The following C9orf153 variants were observed in gnomAD, a reference collection of about 807,000 sequenced individuals.
C9orf153 encodes uncharacterized protein C9orf153.
Under a neutral mutation model 9.0 loss-of-function variants are expected in C9orf153, and 10 were observed. The observed-to-expected ratio is 1.11, with a 90% confidence interval of 0.69 to 1.89. C9orf153 has a LOEUF of 1.89. Among genes scored for constraint, C9orf153 ranks in the 40% most tolerant of loss-of-function variants. The pLI is 0.00. For missense variants in C9orf153, 108 were observed against 111.0 expected (o/e 0.97, Z 0.12); for synonymous variants, 35 against 37.3 (o/e 0.94, Z 0.23).
chr9:86,234,923 G>A (rs757550338), intron 1 of C9orf153, among the ~76,000 whole-genome samples: 4 of 152,188 alleles, frequency 2.6e-5, no homozygotes, highest in African/African-American at 9.7e-5. Context: ...TGGCATGCAA[G>A]GAGCTTGGAA....
chr9:86,245,947 G>C (rs1225844464), intron 1 of C9orf153, among the ~76,000 whole-genome samples: 1 of 152,178 alleles, frequency 6.6e-6, no homozygotes, highest in Non-Finnish European at 1.5e-5. Flanking sequence ...CACTGGGTCA[G>C]TTTGTCAGTT....
At chr9:86,236,169 G>C (rs1563999889) in intron 1 of C9orf153, among the ~76,000 whole-genome samples, 1 of 152,078 alleles carries the variant, frequency 6.6e-6, no homozygotes, top group Non-Finnish European at 1.5e-5. Context: ...CAAAGAAGCA[G>C]AGAATGGAAT....
At chr9:86,252,499 T>C (rs1214538089) in intron 1 of C9orf153, among the ~76,000 whole-genome samples, 1 of 152,252 alleles carries the variant, frequency 6.6e-6, no homozygotes, top group Non-Finnish European at 1.5e-5. Flanking sequence ...CTTTGATATT[T>C]GATAAACTTC....
chr9:86,251,287 T>C (rs1824988071), intron 1 of C9orf153, among the ~76,000 whole-genome samples: 1 of 152,216 alleles, frequency 6.6e-6, no homozygotes, highest in Non-Finnish European at 1.5e-5. Flanking sequence ...TAAAACTTAT[T>C]TAGATCTGTT....
chr9:86,227,500 T>C, intron 3 of C9orf153: 5 of 1,369,330 alleles, frequency 3.7e-6, no homozygotes, highest in Non-Finnish European at 4.7e-6. Context: ...TGCAATGAGA[T>C]TTCCATTCCT....
Position 86,228,006 on chromosome 9 carries a change from C to T in C9orf153, c.91G>A (p.Glu31Lys). The T allele has an allele frequency of 6.2e-7, 1 of 1,605,948 alleles. No individual in the cohort carries two copies. The highest frequency in any genetic ancestry group is 8.5e-7 in the Non-Finnish European group (1 of 1,176,202). Residue 31 changes from glutamate (E) to lysine (K), a missense_variant, in exon 3 of 4, where the codon GAG becomes AAG. Coordinates refer to ENST00000339137, the MANE Select transcript of C9orf153 (RefSeq NM_001276366.4). ...TTCTTGCTCTCCTTATTAAAATTCT[C>T]AATACATGCATATAATTCTGGAAGC... ...CSLPELYACI[E>K]NFNKESKKSN...
intron 1 of C9orf153, among the ~76,000 whole-genome samples, chr9:86,244,692 C>T (rs757430471): frequency 2.0e-5 from 3 of 152,146 alleles, no homozygotes; most frequent in Non-Finnish European, 2.9e-5. Flanking sequence ...CAAACCCAGA[C>T]GAAGAATATC....
At position 86,221,557 on chromosome 9, in the gene C9orf153, C is replaced by G; in HGVS notation, c.*131G>C. 1.5e-6 allele frequency: 2 copies of G among 1,354,606 alleles called. No individual in the cohort carries two copies. Among genetic ancestry groups the G allele is most frequent in the Non-Finnish European group, 1.9e-6 (2 of 1,050,488 alleles). 83.9% of individuals were successfully genotyped at this position (1,354,606 alleles called of 1,614,324 possible). A position where few individuals can be genotyped will look rare whatever the true frequency, so the allele number is the denominator to read the frequency against. ...TGATAATCAATTTGAGGATAAATGA[C>G]CAAAGACTTGCGAACTATAGGGGGG... On this transcript the variant is annotated 3_prime_UTR_variant, in exon 4 of 4. Coordinates refer to ENST00000339137, the MANE Select transcript of C9orf153 (RefSeq NM_001276366.4).
At chr9:86,251,007 C>T (rs1371218083) in intron 1 of C9orf153, among the ~76,000 whole-genome samples, 3 of 152,198 alleles carry the variant, frequency 2.0e-5, no homozygotes, top group Non-Finnish European at 2.9e-5. Flanking sequence ...AATCCTCCTG[C>T]CTCGCCCTAC....
chr9:86,242,658 T>G (rs189480921), intron 1 of C9orf153, among the ~76,000 whole-genome samples: 2 of 152,174 alleles, frequency 1.3e-5, no homozygotes, highest in Non-Finnish European at 2.9e-5. Context: ...AGTTGTGAAT[T>G]CACAGAGCAT....
intron 1 of C9orf153, among the ~76,000 whole-genome samples, chr9:86,240,299 A>C (rs1352893245): frequency 6.6e-6 from 1 of 151,882 alleles, no homozygotes; most frequent in African/African-American, 2.4e-5. Context: ...CCACAGTTTT[A>C]TATATTATGC....
intron 2 of C9orf153, chr9:86,228,823 G>A (rs927237917): frequency 5.6e-5 from 10 of 179,960 alleles, no homozygotes; most frequent in Non-Finnish European, 8.6e-5. Flanking sequence ...GTGAGCTAAC[G>A]CGTGGGAAAG....
chr9:86,253,916 C>T (rs1348754596), intron 1 of C9orf153, among the ~76,000 whole-genome samples: 2 of 151,914 alleles, frequency 1.3e-5, no homozygotes, highest in African/African-American at 2.4e-5. Context: ...ATGATGAAAC[C>T]CTGTCTGTAC....
rs142289051 is a variant in C9orf153 at position 86,254,215 on chromosome 9, A to C, written c.-27+5335T>G. ...TTATGTTTCAGAAGAAAACTGTAGT[A>C]CACTTGTTAGATTCTTACCTTGTCC... On this transcript the variant is annotated intron_variant, in intron 1 of 3. Transcript: ENST00000339137. Among the ~76,000 whole-genome samples the C allele has an allele frequency of 4.9e-3, 748 of 152,210 alleles. 5 individuals are homozygous for C. The highest frequency in any genetic ancestry group is 0.017 in the African/African-American group (723 of 41,546).
At chr9:86,250,566 AC>A (rs767596956) in intron 1 of C9orf153, among the ~76,000 whole-genome samples, 14 of 152,322 alleles carry the variant, frequency 9.2e-5, no homozygotes, top group Middle Eastern at 3.4e-3. Flanking sequence ...TACATGATTA[AC>A]TCTGTAGCCG....
intron 1 of C9orf153, among the ~76,000 whole-genome samples, chr9:86,234,476 T>A (rs543514940): frequency 9.8e-5 from 15 of 152,344 alleles, no homozygotes; most frequent in African/African-American, 3.4e-4. Flanking sequence ...AATAGTCTTT[T>A]CAATAAATGG....
chr9:86,243,184 T>G (rs1824787183), intron 1 of C9orf153, among the ~76,000 whole-genome samples: 1 of 152,228 alleles, frequency 6.6e-6, no homozygotes, highest in Admixed American at 6.5e-5. Context: ...GAGTTACTAT[T>G]GTACTCAGTC....
chr9:86,255,684 G>A (rs1436829375), intron 1 of C9orf153, among the ~76,000 whole-genome samples: 1 of 152,186 alleles, frequency 6.6e-6, no homozygotes, highest in African/African-American at 2.4e-5. Flanking sequence ...AAGATGGTAT[G>A]TAAGCTTCTG....
At chr9:86,229,758 T>C in intron 1 of C9orf153, 129 bp from the exon 2 acceptor site, 2 of 584,068 alleles carry the variant, frequency 3.4e-6, no homozygotes, top group Non-Finnish European at 6.1e-6. Context: ...TTTATACCTG[T>C]ATTAGTCCAT....
Sources: allele counts gnomAD v4.1 joint callset (sites outside exome capture counted in the v4.1 genomes callset), GRCh38; gene constraint gnomAD v4.1.1; transcripts MANE v1.5; gene names NCBI Gene and HGNC (gene_info 2026-07-23, HGNC 2026-07-21).